Variants in ABCA7 observed in about 807,000 individuals in gnomAD.
ABCA7 encodes phospholipid-transporting ATPase ABCA7.
A neutral mutation model predicts 227.6 loss-of-function variants in ABCA7; 261 were observed. The ratio of observed to expected loss-of-function variants is 1.15; its 90% CI spans 1.04 to 1.27. The LOEUF (loss-of-function observed/expected upper bound fraction) is 1.27. ABCA7 is among the 50% of genes most tolerant of loss of function. The pLI, the probability that ABCA7 is intolerant of heterozygous loss-of-function variation, is 0.00. For synonymous variants in ABCA7, 1,488 were observed against 1,279.7 expected (o/e 1.16, Z -3.47); for missense variants, 3,331 against 2,924.5 (o/e 1.14, Z -3.21).
rs372663687 is a variant in ABCA7 at position 1,063,653 on chromosome 19, T to C, written c.5822T>C (p.Val1941Ala). 5.9e-5 allele frequency: 95 copies of C among 1,609,062 alleles called. No individual in the cohort carries two copies. Among genetic ancestry groups the C allele is most frequent in the Non-Finnish European group, 7.5e-5 (88 of 1,178,958 alleles). Residue 1941 changes from valine to alanine, a missense_variant, in exon 43 of 47, where the codon GTT becomes GCT. Physicochemically the swap from Val to Ala is moderately conservative, Grantham distance 64. Coordinates refer to ENST00000263094, the MANE Select transcript of ABCA7 (RefSeq NM_019112.4). ...AAGCTGGCGACGGCCCTGGCGCTGG[T>C]TGGGGACCCAGCCGTGGTGTTTCTG... Reference protein sequence around the residue: ...KRKLATALALVGDPAVVFLDE... With the variant: ...KRKLATALALAGDPAVVFLDE...
intron 40 of ABCA7, among the ~76,000 whole-genome samples, chr19:1,060,030 A>C (rs929214737): frequency 1.3e-5 from 2 of 152,146 alleles, no homozygotes; most frequent in African/African-American, 4.8e-5. Flanking sequence ...ACACATCTAC[A>C]TCAAGCACTT....
chr19:1,064,412 A>G (rs7248449), intron 45 of ABCA7, among the ~76,000 whole-genome samples, 159 bp downstream of exon 45: 3,441 of 151,248 alleles, frequency 0.023, 132 homozygotes, highest in African/African-American at 0.079. Flanking sequence ...TGAGGGGGCG[A>G]GACAGGCTGG....
At position 1,064,999 on chromosome 19, in the gene ABCA7, T is replaced by A; in HGVS notation, c.6113T>A (p.Val2038Glu). 2 of 1,556,168 alleles carry A rather than the reference T, an allele frequency of 1.3e-6. No homozygotes were observed. The highest frequency in any genetic ancestry group is 2.4e-5 in the East Asian group (1 of 41,264). ...AARSQPAAAF[V>E]AAEFPGAELR... ...AGGTCCCAGCCGGCAGCGGCCTTCG[T>A]GGCGGCCGAGTTCCCTGGGGCGGAG... is the stretch of plus-strand genomic sequence containing the variant. The change falls in exon 46 of 47, where the codon GTG becomes GAG. Residue 2038 changes from valine to glutamate, a missense_variant. Physicochemically the swap from Val to Glu is moderately radical, Grantham distance 121. Transcript: ENST00000263094.
In ABCA7 at chr19:1,043,750, C is replaced by T. The variant is rs1374429358; in HGVS notation, c.956C>T (p.Thr319Ile). Residue 319 changes from threonine to isoleucine, a missense_variant, in exon 10 of 47, where the codon ACC becomes ATC. Physicochemically the swap from Thr to Ile is moderately conservative, Grantham distance 89. Coordinates refer to ENST00000263094, the MANE Select transcript of ABCA7 (RefSeq NM_019112.4). ...AQVNRTFEEL[T>I]LLRDVREVWE... The stretch of plus-strand genomic sequence containing the variant: ...GTGAACCGGACCTTCGAGGAGCTCA[C>T]CCTGCTGAGGGATGTCCGGGAGGTG... 2 of 1,612,936 alleles carry T rather than the reference C, an allele frequency of 1.2e-6. No individual in the cohort carries two copies. Among genetic ancestry groups the T allele is most frequent in the African/African-American group, 1.3e-5 (1 of 74,824 alleles).
Position 1,049,298 on chromosome 19 carries a change from C to T in ABCA7, c.2413C>T (p.Pro805Ser), listed in dbSNP as rs754339768. ...AGAAGAGGCACCGCCCGGCCTGAGTCCTGGCGTCTCCGTTCGCAGCCTGGA... is the reference window on the plus strand; with the variant it reads ...AGAAGAGGCACCGCCCGGCCTGAGTTCTGGCGTCTCCGTTCGCAGCCTGGA... ...LVEEAPPGLS[P>S]GVSVRSLEKR... is the part of the protein sequence containing the mutation. Residue 805 changes from proline (P) to serine (S), a missense_variant, in exon 18 of 47, where the codon CCT (proline) becomes TCT (serine). Pro to Ser is a moderately conservative substitution (Grantham distance 74). Transcript: ENST00000263094. 6.2e-7 allele frequency: 1 copy of T among 1,611,030 alleles called. No individual in the cohort carries two copies.
intron 24 of ABCA7, 79 bp downstream of exon 24, chr19:1,053,610 C>T (rs1454304515): frequency 7.9e-6 from 12 of 1,522,012 alleles, no homozygotes; most frequent in South Asian, 1.2e-5. Context: ...GGATGAATAG[C>T]GTGTTTATGA....
chr19:1,044,738 G>A lies in ABCA7; in HGVS notation c.1209G>A (p.Val403=), dbSNP rs766272429. 7.5e-6 allele frequency: 12 copies of A among 1,605,478 alleles called. No homozygotes were observed. The Middle Eastern group carries it at 5.5e-4, about 73-fold the overall frequency. ...ACCTGGTGGGCACGCTGGGCCGAGT[G>A]ACGGAGGTGAGGGCCTGTCCACCTG... is the stretch of plus-strand genomic sequence containing the variant. ...VGHLVGTLGR[V]TECLSLDKLE... Residue 403 remains valine (V), a synonymous_variant, in exon 11 of 47, where the codon GTG becomes GTA. Coordinates refer to ENST00000263094, the MANE Select transcript of ABCA7 (RefSeq NM_019112.4).
Position 1,045,076 on chromosome 19 carries a change from G to C in ABCA7, c.1290G>C (p.Ala430=), listed in dbSNP as rs747087953. ...ALVSRALQLL[A]EHRFWAGVVF... Reference sequence around the variant, plus strand: ...TGTCGCGGGCCCTGCAACTGCTCGCGGAACATCGATTCTGGGCCGGCGTCG... The same window carrying C: ...TGTCGCGGGCCCTGCAACTGCTCGCCGAACATCGATTCTGGGCCGGCGTCG... The change falls in exon 12 of 47, where the codon GCG becomes GCC. Residue 430 remains alanine (A), a synonymous_variant. Coordinates refer to ENST00000263094, the MANE Select transcript of ABCA7 (RefSeq NM_019112.4). 10 of 1,612,820 alleles carry C rather than the reference G, an allele frequency of 6.2e-6. No individual in the cohort carries two copies. The Admixed American group carries it at 1.2e-4, about 19-fold the overall frequency.
chr19:1,041,386 C>G lies in ABCA7; in HGVS notation c.25C>G (p.Leu9Val), dbSNP rs745358099. Residue 9 changes from leucine to valine, a missense_variant, in exon 2 of 47, where the codon CTG (leucine) becomes GTG (valine). By Grantham distance (32) the Leu-to-Val change is conservative (BLOSUM62 1). Coordinates refer to ENST00000263094, the MANE Select transcript of ABCA7 (RefSeq NM_019112.4). ...CATGGCCTTCTGGACACAGCTGATG[C>G]TGCTGCTCTGGAAGAATTTCATGTA... Reference protein sequence around the residue: MAFWTQLMLLLWKNFMYRR... With the variant: MAFWTQLMVLLWKNFMYRR... The G allele has an allele frequency of 1.9e-6, 3 of 1,614,054 alleles. No individual in the cohort carries two copies. The highest frequency in any genetic ancestry group is 2.2e-5 in the East Asian group (1 of 44,884).
At chr19:1,044,949 G>A in intron 11 of ABCA7, 53 bp from the exon 12 acceptor site, 1 of 1,593,710 alleles carries the variant, frequency 6.3e-7, no homozygotes, top group Non-Finnish European at 8.6e-7. Context: ...GAGCGGAGTG[G>A]TCTAGGAGGC....
At position 1,045,010 on chromosome 19, in the gene ABCA7, C is replaced by T. The variant is rs747035056; in HGVS notation, c.1224C>T (p.Ser408=). 6.2e-7 allele frequency: 1 copy of T among 1,612,678 alleles called. No individual in the cohort carries two copies. The highest frequency in any genetic ancestry group is 8.5e-7 in the Non-Finnish European group (1 of 1,179,936). ...GTLGRVTECL[S]LDKLEAAPSE... Reference sequence around the variant, plus strand: ...ACCCCCGCATCCCACAGTGCCTGTCCTTGGACAAGCTGGAGGCGGCACCCT... The same window carrying T: ...ACCCCCGCATCCCACAGTGCCTGTCTTTGGACAAGCTGGAGGCGGCACCCT... The change falls in exon 12 of 47, where the codon TCC becomes TCT. Residue 408 remains serine, a synonymous_variant. Coordinates refer to ENST00000263094, the MANE Select transcript of ABCA7 (RefSeq NM_019112.4).
At position 1,052,006 on chromosome 19, in the gene ABCA7, C is replaced by A. The variant is rs3764652; in HGVS notation, c.3027C>A (p.Ala1009=). ...CAGAGCTGCTGGGAGACCGTGTGGCCGTGGTGGCAGGTGGCCGCTTGTGCT... is the reference window on the plus strand; with the variant it reads ...CAGAGCTGCTGGGAGACCGTGTGGCAGTGGTGGCAGGTGGCCGCTTGTGCT... ...DEAELLGDRV[A]VVAGGRLCCC... Residue 1009 remains alanine, a synonymous_variant, in exon 22 of 47, where the codon GCC becomes GCA. Coordinates refer to ENST00000263094, the MANE Select transcript of ABCA7 (RefSeq NM_019112.4). The A allele has an allele frequency of 3.7e-6, 6 of 1,611,784 alleles. No homozygotes were observed. Among genetic ancestry groups the A allele is most frequent in the Non-Finnish European group, 5.1e-6 (6 of 1,179,836 alleles).
In ABCA7 at chr19:1,045,009, C is replaced by T. The variant is rs142777510; in HGVS notation, c.1223C>T (p.Ser408Phe). 8 of 1,612,506 alleles carry T rather than the reference C, an allele frequency of 5.0e-6. No homozygotes were observed. The highest frequency in any genetic ancestry group is 6.8e-6 in the Non-Finnish European group (8 of 1,179,924). Residue 408 changes from serine to phenylalanine, a missense_variant, in exon 12 of 47, where the codon TCC (serine) becomes TTC (phenylalanine). Coordinates refer to ENST00000263094, the MANE Select transcript of ABCA7 (RefSeq NM_019112.4). The stretch of plus-strand genomic sequence containing the variant: ...CACCCCCGCATCCCACAGTGCCTGT[C>T]CTTGGACAAGCTGGAGGCGGCACCC... ...GTLGRVTECL[S>F]LDKLEAAPSE...
chr19:1,057,466 A>T (rs760520237), intron 35 of ABCA7, 37 bp downstream of exon 35: 39 of 1,561,446 alleles, frequency 2.5e-5, no homozygotes, highest in Non-Finnish European at 3.2e-5. Context: ...ATTCTTACTG[A>T]CCCCTTACTG....
intron 45 of ABCA7, 40 bp downstream of exon 45, chr19:1,064,293 T>C: frequency 6.6e-7 from 1 of 1,522,918 alleles, no homozygotes; most frequent in Non-Finnish European, 8.8e-7. Flanking sequence ...GGGGTGAGGG[T>C]GGGCACGTAG....
chr19:1,049,095 C>T (rs1301974074), intron 17 of ABCA7, 90 bp downstream of exon 17: 3 of 973,258 alleles, frequency 3.1e-6, no homozygotes, highest in Admixed American at 4.8e-5. Flanking sequence ...TGACAATGAC[C>T]TGGACACCCC....
chr19:1,043,675 G>A, intron 9 of ABCA7, 50 bp from the exon 10 acceptor site: 1 of 1,582,900 alleles, frequency 6.3e-7, no homozygotes, highest in South Asian at 1.1e-5. Flanking sequence ...GGGTGGGCAG[G>A]GGTCCTCAGA....
intron 23 of ABCA7, 99 bp downstream of exon 23, chr19:1,052,385 G>T (rs1400052445): frequency 1.2e-6 from 1 of 817,708 alleles, no homozygotes; most frequent in East Asian, 3.2e-5. Flanking sequence ...AGGAGGAGGG[G>T]GAGGAAGCGG....
Position 1,054,258 on chromosome 19 carries a change from G to T in ABCA7, c.3643G>T (p.Ala1215Ser), listed in dbSNP as rs757220996. 1 of 1,608,496 alleles carries T rather than the reference G, an allele frequency of 6.2e-7. No homozygotes were observed. The highest frequency in any genetic ancestry group is 1.1e-5 in the South Asian group (1 of 90,948). ...CGCCGTGGGCCGGGTACAGGGCTGGGCACTGACCCGCCAGCAGCTCCAGGC... is the reference window on the plus strand; with the variant it reads ...CGCCGTGGGCCGGGTACAGGGCTGGTCACTGACCCGCCAGCAGCTCCAGGC... ...PDAVGRVQGW[A>S]LTRQQLQALL... is the part of the protein sequence containing the mutation. The change falls in exon 27 of 47, where the codon GCA (alanine) becomes TCA (serine). Residue 1215 changes from alanine (A) to serine (S), a missense_variant. Physicochemically the swap from Ala to Ser is moderately conservative, Grantham distance 99. Coordinates refer to ENST00000263094, the MANE Select transcript of ABCA7 (RefSeq NM_019112.4). The surrounding 1 kb of genome is among the most constrained non-coding windows in gnomAD (Gnocchi z 4.8).
Sources: allele counts gnomAD v4.1 joint callset (sites outside exome capture counted in the v4.1 genomes callset), GRCh38; gene constraint gnomAD v4.1.1; non-coding constraint Gnocchi (gnomAD v3.1); transcripts MANE v1.5; gene names NCBI Gene and HGNC (gene_info 2026-07-23, HGNC 2026-07-21).